KANK1: variants seen among roughly 807,000 people sequenced by gnomAD.
KANK1 encodes KN motif and ankyrin repeat domains 1.
KANK1 carries 109 observed loss-of-function variants against 106.2 expected under a neutral mutation model. The ratio of observed to expected loss-of-function variants is 1.03; its 90% CI spans 0.88 to 1.20. KANK1 has a LOEUF of 1.20. Ranked by LOEUF, KANK1 falls within the 50% of genes most tolerant of loss-of-function variation. KANK1 has a pLI of 0.00. For missense variants in KANK1, 2,399 were observed against 1,710.7 expected (o/e 1.40, Z -7.10); for synonymous variants, 873 against 652.2 (o/e 1.34, Z -5.16).
chr9:594,262 A>C (rs2641998), intron 1 of KANK1, among the ~76,000 whole-genome samples: 55,467 of 151,796 alleles, frequency 0.37, 13,206 homozygotes, highest in South Asian at 0.57. Context: ...GAAGTCACAA[A>C]GCAATTAAAT....
At chr9:676,573 G>C (rs1816456068) in intron 1 of KANK1, among the ~76,000 whole-genome samples, 1 of 152,168 alleles carries the variant, frequency 6.6e-6, no homozygotes, top group South Asian at 2.1e-4. Flanking sequence ...ATATTTCGTA[G>C]AGTGCTACAC....
At chr9:672,131 T>C (rs950284402) in intron 1 of KANK1, among the ~76,000 whole-genome samples, 1 of 152,140 alleles carries the variant, frequency 6.6e-6, no homozygotes, top group Non-Finnish European at 1.5e-5. Flanking sequence ...CTAAATCACA[T>C]AATCACAAGA....
chr9:514,098 TACTC>T lies in KANK1; in HGVS notation c.-84+9345_-84+9348del, dbSNP rs1259881897. ...TCCTCCTCTCCTTCCCTCCTTCTCTTACTCCCTCCCTCTCTTCCTCCCTCTCTCT... is the reference window on the plus strand; with the variant it reads ...TCCTCCTCTCCTTCCCTCCTTCTCTTCCTCCCTCTCTTCCTCCCTCTCTCT... On this transcript the variant is annotated intron_variant, in intron 1 of 11. Transcript: ENST00000382297. 2.8e-3 allele frequency among the ~76,000 whole-genome samples: 402 copies of T among 142,716 alleles called. 2 individuals carry two copies. The highest frequency in any genetic ancestry group is 9.8e-3 in the African/African-American group (353 of 35,904). The allele number at this position is 142,716 out of a possible 152,430, so 93.6% of individuals were successfully genotyped here.
chr9:505,320 G>A (rs12342407), intron 1 of KANK1, among the ~76,000 whole-genome samples: 22,090 of 152,198 alleles, frequency 0.15, 3,043 homozygotes, highest in African/African-American at 0.36. Flanking sequence ...CAACTCCGAG[G>A]TGGCTTCGGC....
chr9:529,234 T>C lies in KANK1; in HGVS notation c.-84+24480T>C, dbSNP rs202007262. On this transcript the variant is annotated intron_variant, in intron 1 of 11. Coordinates refer to ENST00000382297, the MANE Select transcript of KANK1 (RefSeq NM_015158.5). ...ATAACTCTGTTAATATATATATATA[T>C]ACACACACACACACACACACATATA... 8.4e-3 allele frequency among the ~76,000 whole-genome samples: 1,246 copies of C among 148,768 alleles called. 8 individuals carry two copies. Among genetic ancestry groups the C allele is most frequent in the Admixed American group, 0.03 (444 of 14,924 alleles).
intron 1 of KANK1, among the ~76,000 whole-genome samples, chr9:643,543 ATT>A (rs774468238): frequency 2.9e-5 from 3 of 102,440 alleles, no homozygotes; most frequent in Non-Finnish European, 1.9e-5. Flanking sequence ...TTTCTTTTTG[ATT>A]TTTTTTTTTT....
rs992696673 is a variant in KANK1 at position 650,965 on chromosome 9, A to G, written c.-83-25925A>G. Among the ~76,000 whole-genome samples, 5 of 152,146 alleles carry G rather than the reference A, an allele frequency of 3.3e-5. No individual in the cohort carries two copies. In the East Asian group the frequency reaches 9.6e-4, roughly 29 times the overall value. On this transcript the variant is annotated intron_variant, in intron 1 of 11. Transcript: ENST00000382297. ...TTCCTCCTGCTTCTGTCAAAGGAAA[A>G]AAAGATGTTATGTGCCTTCTCTTTC...
In KANK1 at chr9:618,823, C is replaced by T. The variant is rs757721688; in HGVS notation, c.-83-58067C>T. Among the ~76,000 whole-genome samples the T allele has an allele frequency of 5.9e-5, 9 of 152,260 alleles. No individual in the cohort carries two copies. In the East Asian group the frequency reaches 7.7e-4, roughly 13 times the overall value. Reference sequence around the variant, plus strand: ...AACAGGCGGTGTTTTCTCCTCTCATCGCTGACATTTAATACCTGTCTTGAG... The same window carrying T: ...AACAGGCGGTGTTTTCTCCTCTCATTGCTGACATTTAATACCTGTCTTGAG... On this transcript the variant is annotated intron_variant, in intron 1 of 11. Transcript: ENST00000382297.
At chr9:598,748 A>G (rs12345378) in intron 1 of KANK1, among the ~76,000 whole-genome samples, 11,610 of 142,650 alleles carry the variant, frequency 0.081, 1,373 homozygotes, top group East Asian at 0.25. Context: ...CTCATGCCTC[A>G]GCCTCCTGAG....
At chr9:733,651 A>C (rs1296816496) in intron 6 of KANK1, 1 of 152,238 alleles carries the variant, frequency 6.6e-6, no homozygotes. Flanking sequence ...GCATGGTGTC[A>C]CATGCCAGCT....
chr9:735,435 A>G (rs752349464), intron 7 of KANK1, among the ~76,000 whole-genome samples: 28 of 152,204 alleles, frequency 1.8e-4, no homozygotes, highest in Non-Finnish European at 2.9e-4. Context: ...AAGTATTTCT[A>G]TGGCAATGGT....
intron 3 of KANK1, among the ~76,000 whole-genome samples, chr9:479,212 T>C: frequency 6.6e-6 from 1 of 152,276 alleles, no homozygotes; most frequent in Admixed American, 6.5e-5. Flanking sequence ...GTGTTCTTCC[T>C]GGTTACCAAT....
rs142313902 is a variant in KANK1, at chr9:642,291, T to C, written c.-83-34599T>C. ...AAAACTGCGTGGTTAAGTTACCCCA[T>C]TTGTGTTTTACAAAGATAGCGGAAG... is the stretch of plus-strand genomic sequence containing the variant. On this transcript the variant is annotated intron_variant, in intron 1 of 11. Coordinates refer to ENST00000382297, the MANE Select transcript of KANK1 (RefSeq NM_015158.5). 7.3e-5 allele frequency among the ~76,000 whole-genome samples: 11 copies of C among 150,964 alleles called. 1 individual carries two copies. The highest frequency in any genetic ancestry group is 9.9e-5 in the African/African-American group (4 of 40,278).
In KANK1 at chr9:604,915, C is replaced by A. The variant is rs1021687208; in HGVS notation, c.-83-71975C>A. ...TTAAACCTTTTTTCTTCATAAATTG[C>A]TCAGTCTCAGGTAGTTCTTTATAGC... On this transcript the variant is annotated intron_variant, in intron 1 of 11. Transcript: ENST00000382297. Among the ~76,000 whole-genome samples, 6 of 151,870 alleles carry A rather than the reference C, an allele frequency of 4.0e-5. 2 individuals carry two copies. The highest frequency in any genetic ancestry group is 1.5e-4 in the African/African-American group (6 of 41,142).
At chr9:634,293 A>T (rs1836530295) in intron 1 of KANK1, among the ~76,000 whole-genome samples, 1 of 152,066 alleles carries the variant, frequency 6.6e-6, no homozygotes, top group Admixed American at 6.6e-5. Context: ...GGGATGTGCA[A>T]AATGGTCTAA....
intron 1 of KANK1, among the ~76,000 whole-genome samples, chr9:655,266 G>C (rs1841878550): frequency 6.6e-6 from 1 of 151,940 alleles, no homozygotes; most frequent in Non-Finnish European, 1.5e-5. Flanking sequence ...AGCTACTCGG[G>C]AGGCTGAGGC....
chr9:640,675 G>T (rs941364997), intron 1 of KANK1, among the ~76,000 whole-genome samples: 3 of 151,616 alleles, frequency 2.0e-5, no homozygotes, highest in Non-Finnish European at 4.4e-5. Context: ...GGGTTTACAG[G>T]TGTGAGCCAC....
At chr9:691,210 C>G (rs1237694561) in intron 2 of KANK1, among the ~76,000 whole-genome samples, 1 of 152,118 alleles carries the variant, frequency 6.6e-6, no homozygotes, top group Non-Finnish European at 1.5e-5. Flanking sequence ...CCCATAGGGT[C>G]AGATACAAGC....
At chr9:635,835 G>C (rs6477061) in intron 1 of KANK1, among the ~76,000 whole-genome samples, 1 of 151,210 alleles carries the variant, frequency 6.6e-6, no homozygotes, top group East Asian at 1.9e-4. Flanking sequence ...AGTAGCTGGC[G>C]GTACAGGTGC....
Sources: allele counts gnomAD v4.1 joint callset (sites outside exome capture counted in the v4.1 genomes callset), GRCh38; gene constraint gnomAD v4.1.1; transcripts MANE v1.5; gene names NCBI Gene and HGNC (gene_info 2026-07-23, HGNC 2026-07-21).